UVRAG: variants seen among roughly 807,000 people sequenced by gnomAD.
UVRAG encodes the protein UV radiation resistance associated.
A neutral mutation model predicts 78.0 loss-of-function variants in UVRAG; 19 were observed. The observed-to-expected ratio is 0.24, with a 90% CI of 0.17 to 0.36. The LOEUF is 0.36. Among genes scored for constraint, UVRAG ranks in the 10% least tolerant of loss-of-function variants. The pLI is 1.00. For synonymous variants in UVRAG, 323 were observed against 324.6 expected (o/e 1.00, Z 0.05); for missense variants, 740 against 853.8 (o/e 0.87, Z 1.66).
chr11:75,829,559 A>C (rs1242361434), intron 1 of UVRAG, among the ~76,000 whole-genome samples: 1 of 152,168 alleles, frequency 6.6e-6, no homozygotes, highest in African/African-American at 2.4e-5. Flanking sequence ...TAGGTGCTGG[A>C]AGTAAAACAG....
At chr11:75,970,418 A>C (rs1366280172) in intron 7 of UVRAG, among the ~76,000 whole-genome samples, 1 of 152,288 alleles carries the variant, frequency 6.6e-6, no homozygotes, top group East Asian at 1.9e-4. Flanking sequence ...TTTTCAAGGT[A>C]GTTTTAGATT....
intron 8 of UVRAG, among the ~76,000 whole-genome samples, chr11:75,997,242 A>G (rs776608631): frequency 1.8e-4 from 27 of 152,350 alleles, no homozygotes; most frequent in African/African-American, 5.5e-4. Flanking sequence ...AAGAATGACA[A>G]TTTATTGGTT....
intron 3 of UVRAG, among the ~76,000 whole-genome samples, chr11:75,878,727 G>A (rs1257455853): frequency 6.6e-6 from 1 of 152,172 alleles, no homozygotes; most frequent in African/African-American, 2.4e-5. Flanking sequence ...CAGGCGTGGC[G>A]GCGCGCGCCT....
chr11:76,119,583 C>T (rs1952240178), intron 14 of UVRAG, among the ~76,000 whole-genome samples: 1 of 152,200 alleles, frequency 6.6e-6, no homozygotes, highest in South Asian at 2.1e-4. Flanking sequence ...ACCCTGTCTA[C>T]CCAGTTGCTC....
chr11:76,133,934 C>CT lies in UVRAG; in HGVS notation c.1398-6767dup, dbSNP rs200140769. ...TCTTTTTCTCCAAATCTCTTTTATA[C>CT]TTTTTTTTTTCTTTTTTTCTTTTCT... is the stretch of plus-strand genomic sequence containing the variant. On this transcript the variant is annotated intron_variant, in intron 14 of 14. Transcript: ENST00000356136. Among the ~76,000 whole-genome samples the CT allele has an allele frequency of 3.3e-4, 48 of 147,356 alleles. 1 individual carries two copies. The highest frequency in any genetic ancestry group is 6.5e-4 in the South Asian group (3 of 4,596).
intron 6 of UVRAG, among the ~76,000 whole-genome samples, chr11:75,925,356 A>G (rs749887652): frequency 3.3e-5 from 5 of 152,250 alleles, no homozygotes; most frequent in Non-Finnish European, 7.3e-5. Flanking sequence ...CATTAAGTTT[A>G]TCAGGATATC....
At chr11:75,961,715 G>A (rs1487874617) in intron 7 of UVRAG, among the ~76,000 whole-genome samples, 166 bp downstream of exon 7, 1 of 152,142 alleles carries the variant, frequency 6.6e-6, no homozygotes, top group Non-Finnish European at 1.5e-5. Flanking sequence ...TTTCCCATCT[G>A]CTAATAATGT....
intron 7 of UVRAG, among the ~76,000 whole-genome samples, chr11:75,962,271 G>T (rs1029971724): frequency 6.6e-6 from 1 of 152,028 alleles, no homozygotes; most frequent in African/African-American, 2.4e-5. Flanking sequence ...TTGTTCGTGT[G>T]AACTCATTAT....
chr11:76,085,224 A>G (rs1355597252), intron 13 of UVRAG, among the ~76,000 whole-genome samples: 2 of 152,232 alleles, frequency 1.3e-5, no homozygotes, highest in Non-Finnish European at 2.9e-5. Context: ...TGAGGAATCC[A>G]TAAATTACTG....
chr11:75,949,136 C>T (rs1591052334), intron 6 of UVRAG, among the ~76,000 whole-genome samples: 3 of 152,076 alleles, frequency 2.0e-5, no homozygotes, highest in South Asian at 4.1e-4. Flanking sequence ...TTAATTAAGT[C>T]GTTGCTGCTA....
chr11:75,871,053 G>T (rs1360525470), intron 3 of UVRAG, among the ~76,000 whole-genome samples: 4 of 151,958 alleles, frequency 2.6e-5, no homozygotes, highest in Non-Finnish European at 5.9e-5. Context: ...ATATTTAGTA[G>T]AGATGGGGTT....
intron 7 of UVRAG, among the ~76,000 whole-genome samples, chr11:75,967,130 C>G (rs531654616): frequency 6.6e-4 from 100 of 152,302 alleles, no homozygotes; most frequent in African/African-American, 2.3e-3. Flanking sequence ...TGCCATTGAT[C>G]AGTCTCAAGA....
rs192830560 is a variant in UVRAG at position 75,865,034 on chromosome 11, T to G, written c.270+3254T>G. On this transcript the variant is annotated intron_variant, in intron 3 of 14. Transcript: ENST00000356136. ...CGAGTGTGGTGGCCTACGCCTGTAATCCCAGCACTTTGGGAGGCTGAGGCG... is the reference window on the plus strand; with the variant it reads ...CGAGTGTGGTGGCCTACGCCTGTAAGCCCAGCACTTTGGGAGGCTGAGGCG... 6.6e-5 allele frequency among the ~76,000 whole-genome samples: 10 copies of G among 152,304 alleles called. No homozygotes were observed. In the East Asian group the frequency reaches 1.9e-3, roughly 29 times the overall value.
chr11:75,954,471 T>G (rs951995286), intron 6 of UVRAG, among the ~76,000 whole-genome samples: 1 of 152,206 alleles, frequency 6.6e-6, no homozygotes, highest in African/African-American at 2.4e-5. Context: ...CTGATAACAT[T>G]TTTAGTAAAA....
chr11:76,006,972 G>A (rs1294181972), intron 9 of UVRAG, among the ~76,000 whole-genome samples: 1 of 152,046 alleles, frequency 6.6e-6, no homozygotes, highest in Non-Finnish European at 1.5e-5. Flanking sequence ...GAATAAATAA[G>A]GCCATTTGTA....
chr11:76,107,192 A>G (rs1024787670), intron 13 of UVRAG, among the ~76,000 whole-genome samples: 2 of 152,210 alleles, frequency 1.3e-5, no homozygotes, highest in African/African-American at 4.8e-5. Context: ...TATTTTTAAT[A>G]TGGCAGATTT....
intron 3 of UVRAG, among the ~76,000 whole-genome samples, chr11:75,872,809 T>C (rs1946683603): frequency 6.6e-6 from 1 of 152,120 alleles, no homozygotes. Flanking sequence ...TCCTGAAAAA[T>C]TGGGATAGTG....
chr11:76,121,216 A>G (rs577798730), intron 14 of UVRAG, among the ~76,000 whole-genome samples: 110 of 152,342 alleles, frequency 7.2e-4, no homozygotes, highest in African/African-American at 2.4e-3. Context: ...GATTAATCCT[A>G]AAATGAACCC....
At chr11:75,872,533 G>A (rs1021717796) in intron 3 of UVRAG, among the ~76,000 whole-genome samples, 2 of 151,752 alleles carry the variant, frequency 1.3e-5, no homozygotes, top group African/African-American at 2.4e-5. Context: ...AGATACAGGC[G>A]CGCCCCACCA....
Sources: gnomAD v4.1 joint callset for allele counts (sites outside exome capture counted in the v4.1 genomes callset) on GRCh38, gnomAD v4.1.1 for gene constraint, MANE v1.5 for transcripts, NCBI Gene and HGNC (gene_info 2026-07-23, HGNC 2026-07-21) for gene names.